Variants in EDA observed in about 807,000 individuals in gnomAD.
EDA encodes ectodysplasin A, also known as ectodysplasin-A.
Under a neutral mutation model 23.6 loss-of-function variants are expected in EDA, and 2 were observed. The ratio of observed to expected loss-of-function variants is 0.08; its 90% CI spans 0.03 to 0.27. EDA has a LOEUF of 0.27. EDA is among the 10% of genes least tolerant of loss of function. The pLI is 1.00. For missense variants in EDA, 229 were observed against 324.2 expected, an observed-to-expected ratio of 0.71 and a Z score of 2.26; for synonymous variants, 131 against 132.0, an observed-to-expected ratio of 0.99 and a Z score of 0.05.
intron 2 of EDA, among the ~76,000 whole-genome samples, chrX:69,975,015 G>A (rs1034337974): frequency 8.9e-6 from 1 of 111,951 alleles, no homozygotes; most frequent in Non-Finnish European, 1.9e-5. Flanking sequence ...CACTGTTGGT[G>A]GGAATGTAAA....
intron 1 of EDA, among the ~76,000 whole-genome samples, chrX:69,707,247 A>G (rs2011765963): frequency 8.9e-6 from 1 of 112,050 alleles, no homozygotes; most frequent in Non-Finnish European, 1.9e-5. Context: ...AAAATGGTCC[A>G]AGTGGTATTA....
rs191261744 is a variant in EDA at position 69,775,081 on chromosome X, C to A, written c.396+158377C>A. On this transcript the variant is annotated intron_variant, in intron 1 of 7. Transcript: ENST00000374552. ...GTATTTTGAACTATATTTTGAGATTCTTTTAAGTTTATTGCCCACCATGAA... is the reference window on the plus strand; with the variant it reads ...GTATTTTGAACTATATTTTGAGATTATTTTAAGTTTATTGCCCACCATGAA... Among the ~76,000 whole-genome samples, 378 of 111,734 alleles carry A rather than the reference C, an allele frequency of 3.4e-3. 1 individual carries two copies. Among genetic ancestry groups the A allele is most frequent in the African/African-American group, 0.011 (353 of 30,883 alleles).
At chrX:69,874,048 C>T (rs1002303487) in intron 1 of EDA, among the ~76,000 whole-genome samples, 6 of 112,273 alleles carry the variant, frequency 5.3e-5, no homozygotes, top group East Asian at 2.8e-4. Flanking sequence ...CGGTAGCTCA[C>T]GCCTGTAATC....
chrX:69,843,890 C>T (rs1211679260), intron 1 of EDA, among the ~76,000 whole-genome samples: 4 of 108,586 alleles, frequency 3.7e-5, no homozygotes, highest in Admixed American at 9.9e-5. Context: ...AGCGTGGTGG[C>T]GGGGGCCTGT....
chrX:69,769,253 A>G (rs1309702706), intron 1 of EDA, among the ~76,000 whole-genome samples: 5 of 111,702 alleles, frequency 4.5e-5, no homozygotes, highest in African/African-American at 9.7e-5. Context: ...TATTTTATCA[A>G]TATTAAGGGA....
chrX:69,769,075 T>C (rs969384517), intron 1 of EDA, among the ~76,000 whole-genome samples: 1 of 111,674 alleles, frequency 9.0e-6, no homozygotes, highest in Admixed American at 9.6e-5. Context: ...TTTTTAAAAT[T>C]TGTTGAGACT....
chrX:69,913,068 A>G (rs1447935224), intron 1 of EDA, among the ~76,000 whole-genome samples: 1 of 111,914 alleles, frequency 8.9e-6, no homozygotes, highest in Non-Finnish European at 1.9e-5. Context: ...ACACCCGGTG[A>G]AGATTTAGCA....
chrX:69,959,833 T>C (rs2019073493), intron 2 of EDA, among the ~76,000 whole-genome samples: 1 of 111,446 alleles, frequency 9.0e-6, no homozygotes, highest in African/African-American at 3.3e-5. Flanking sequence ...GAGACCTGAA[T>C]GAAATGAAGT....
At chrX:69,620,478 A>T (rs1383990405) in intron 1 of EDA, 3 of 130,416 alleles carry the variant, frequency 2.3e-5, no homozygotes, top group Non-Finnish European at 4.5e-5. Context: ...TCAAGAACAT[A>T]ACTAGGAATC....
chrX:69,935,495 C>G (rs192344581), intron 1 of EDA, among the ~76,000 whole-genome samples: 1 of 111,347 alleles, frequency 9.0e-6, no homozygotes, highest in Admixed American at 9.6e-5. Flanking sequence ...ATTTTTGAAG[C>G]CTTTATTTAC....
At chrX:70,027,239 TA>T (rs1295987335) in intron 3 of EDA, among the ~76,000 whole-genome samples, 1 of 111,785 alleles carries the variant, frequency 8.9e-6, no homozygotes, top group Non-Finnish European at 1.9e-5. Context: ...CCCTACCCAC[TA>T]AGGTAGCACT....
At chrX:69,626,214 A>T (rs1932380132) in intron 1 of EDA, among the ~76,000 whole-genome samples, 1 of 112,071 alleles carries the variant, frequency 8.9e-6, no homozygotes, top group Non-Finnish European at 1.9e-5. Flanking sequence ...GTGGAAATGT[A>T]AAATGATTCA....
chrX:69,713,177 C>G (rs1384917214), intron 1 of EDA, among the ~76,000 whole-genome samples: 7 of 111,784 alleles, frequency 6.3e-5, no homozygotes, highest in Non-Finnish European at 1.1e-4. Context: ...CAAACCTGCA[C>G]GTTGTGCACA....
chrX:69,779,797 C>T (rs1266729176), intron 1 of EDA, among the ~76,000 whole-genome samples: 1 of 111,648 alleles, frequency 9.0e-6, no homozygotes, highest in Non-Finnish European at 1.9e-5. Context: ...TTGGCCATAG[C>T]TTGCTGACCT....
intron 1 of EDA, among the ~76,000 whole-genome samples, chrX:69,650,517 G>A (rs1278385518): frequency 9.0e-6 from 1 of 111,551 alleles, no homozygotes; most frequent in Non-Finnish European, 1.9e-5. Flanking sequence ...TAGCACAATA[G>A]AGTGACTATC....
At chrX:69,996,375 T>C (rs1363609703) in intron 2 of EDA, among the ~76,000 whole-genome samples, 1 of 111,547 alleles carries the variant, frequency 9.0e-6, no homozygotes, top group Non-Finnish European at 1.9e-5. Context: ...CTAAACAAGG[T>C]CCAAAGAGCT....
intron 1 of EDA, among the ~76,000 whole-genome samples, chrX:69,685,470 A>G (rs1440094502): frequency 8.9e-6 from 1 of 112,067 alleles, no homozygotes; most frequent in Admixed American, 9.5e-5. Context: ...TAGATTTAGG[A>G]ACCAGATAAT....
intron 1 of EDA, among the ~76,000 whole-genome samples, chrX:69,663,339 C>G (rs1302415623): frequency 8.9e-6 from 1 of 112,234 alleles, no homozygotes; most frequent in Non-Finnish European, 1.9e-5. Context: ...TGTGTCCCAG[C>G]TGCTTCAGCT....
At chrX:69,781,134 T>A (rs1424305154) in intron 1 of EDA, among the ~76,000 whole-genome samples, 1 of 111,764 alleles carries the variant, frequency 8.9e-6, no homozygotes, top group Non-Finnish European at 1.9e-5. Context: ...ATTTTATTTA[T>A]CTACTCATCA....
Sources: allele counts gnomAD v4.1 joint callset (sites outside exome capture counted in the v4.1 genomes callset), GRCh38; gene constraint gnomAD v4.1.1; transcripts MANE v1.5; gene names NCBI Gene and HGNC (gene_info 2026-07-23, HGNC 2026-07-21).